Variants in PIK3IP1 observed in about 807,000 individuals in gnomAD.
PIK3IP1 encodes the protein phosphoinositide-3-kinase-interacting protein 1.
A neutral mutation model predicts 30.7 loss-of-function variants in PIK3IP1; 28 were observed. That is an observed-to-expected ratio of 0.91 (90% CI 0.68 to 1.25). The LOEUF is 1.25. Ranked by LOEUF, PIK3IP1 falls within the 50% of genes most tolerant of loss-of-function variation. The pLI, the probability that PIK3IP1 is intolerant of heterozygous loss-of-function variation, is 0.00. For synonymous variants in PIK3IP1, 159 were observed against 140.8 expected, an observed-to-expected ratio of 1.13 and a Z score of -0.91; for missense variants, 333 against 346.2, an observed-to-expected ratio of 0.96 and a Z score of 0.30.
chr22:31,284,768 A>G (rs778841738), intron 5 of PIK3IP1, among the ~76,000 whole-genome samples: 33 of 152,276 alleles, frequency 2.2e-4, no homozygotes, highest in Non-Finnish European at 4.0e-4. Flanking sequence ...AAGCTAGTGC[A>G]GACAGTACAC....
At chr22:31,288,985 G>C (rs1293526772) in intron 5 of PIK3IP1, 5 of 494,844 alleles carry the variant, frequency 1.0e-5, no homozygotes, top group African/African-American at 9.7e-5. Flanking sequence ...TGTGGGATCA[G>C]ACAGCAGGGA....
intron 3 of PIK3IP1, chr22:31,290,017 TC>T: frequency 3.4e-6 from 1 of 292,222 alleles, no homozygotes; most frequent in Non-Finnish European, 6.5e-6. Flanking sequence ...TCCCCCCACT[TC>T]TACTTCAGGA....
In PIK3IP1 at chr22:31,290,866, G is replaced by C. The variant is rs938878318; in HGVS notation, c.307+99C>G. The C allele has an allele frequency of 6.8e-5, 96 of 1,421,530 alleles. No homozygotes were observed. The Admixed American group carries it at 1.1e-3, about 16-fold the overall frequency. The allele number at this position is 1,421,530 out of a possible 1,614,324, so 88.1% of individuals were successfully genotyped here. A position where few individuals can be genotyped will look rare whatever the true frequency, so the allele number is the denominator to read the frequency against. On this transcript the variant is annotated intron_variant, in intron 3 of 5. Coordinates refer to ENST00000215912, the MANE Select transcript of PIK3IP1 (RefSeq NM_052880.5). ...AATCGGACGGCGCGGAGGCGGAGCG[G>C]GGCCGGCCGGCATCGCGCGGCCGCA...
At chr22:31,291,158 C>T (rs1236086294) in intron 2 of PIK3IP1, 22 bp downstream of exon 2, 2 of 1,538,730 alleles carry the variant, frequency 1.3e-6, no homozygotes. Context: ...AGCCCCGGGG[C>T]CGTCCCCCGG....
chr22:31,285,821 C>T (rs1007943286), intron 5 of PIK3IP1, among the ~76,000 whole-genome samples: 2 of 152,188 alleles, frequency 1.3e-5, no homozygotes, highest in African/African-American at 4.8e-5. Flanking sequence ...TCTGCTAGGT[C>T]TCAGCTCCTC....
At chr22:31,291,639 G>A (rs2049180540) in intron 1 of PIK3IP1, among the ~76,000 whole-genome samples, 1 of 152,232 alleles carries the variant, frequency 6.6e-6, no homozygotes, top group African/African-American at 2.4e-5. Flanking sequence ...TTTGGAGGAG[G>A]AGATGGAGAG....
rs753024878 is a variant in PIK3IP1 at position 31,283,310 on chromosome 22, A to T, written c.588-22T>A. On this transcript the variant is annotated intron_variant, in intron 5 of 5. Transcript: ENST00000215912. ...CCCCCTGGCAGGAAAAAAACAAACA[A>T]ACATTCAGGCTATGCCTCCTGCATA... 4.2e-5 allele frequency: 61 copies of T among 1,465,266 alleles called. 1 individual carries two copies. In the South Asian group the frequency reaches 5.9e-4, roughly 14 times the overall value. 90.8% of individuals were successfully genotyped at this position (1,465,266 alleles called of 1,614,324 possible). A position where few individuals can be genotyped will look rare whatever the true frequency, so the allele number is the denominator to read the frequency against.
chr22:31,286,941 A>G (rs2049135334), intron 5 of PIK3IP1, among the ~76,000 whole-genome samples: 1 of 152,052 alleles, frequency 6.6e-6, no homozygotes. Flanking sequence ...TGTCCTCTCA[A>G]GTCAATACTT....
In PIK3IP1 at chr22:31,292,457, G is replaced by A; in HGVS notation, c.-113C>T. Reference sequence around the variant, plus strand: ...TTGCAGTCAGACCTGCCCTTGTTATGCTGTTCTGGTAAACAGCCTCTCTTT... The same window carrying A: ...TTGCAGTCAGACCTGCCCTTGTTATACTGTTCTGGTAAACAGCCTCTCTTT... On this transcript the variant is annotated 5_prime_UTR_variant, in exon 1 of 6. Coordinates refer to ENST00000215912, the MANE Select transcript of PIK3IP1 (RefSeq NM_052880.5). 1.2e-6 allele frequency: 1 copy of A among 813,202 alleles called. No individual in the cohort carries two copies. The highest frequency in any genetic ancestry group is 1.5e-5 in the South Asian group (1 of 68,802). The allele number at this position is 813,202 out of a possible 1,614,324, so 50.4% of individuals were successfully genotyped here.
In PIK3IP1 at chr22:31,289,640, G is replaced by C; in HGVS notation, c.367C>G (p.Pro123Ala). 6.4e-7 allele frequency: 1 copy of C among 1,555,278 alleles called. No homozygotes were observed. Among genetic ancestry groups the C allele is most frequent in the East Asian group, 2.4e-5 (1 of 41,772 alleles). Reference sequence around the variant, plus strand: ...AACACCTGCACCTCATCTGCACCTGGCCCTTCAGACGCTTCCTGGATTTCT... The same window carrying C: ...AACACCTGCACCTCATCTGCACCTGCCCCTTCAGACGCTTCCTGGATTTCT... ...TTEIQEASEG[P>A]GADEVQVFAP... The change falls in exon 4 of 6, where the codon CCA (proline) becomes GCA (alanine). Residue 123 changes from proline (P) to alanine (A), a missense_variant. This residue lies in a region of PIK3IP1 where 217 missense variants were observed against 227.7 expected (regional missense o/e 0.95). Coordinates refer to ENST00000215912, the MANE Select transcript of PIK3IP1 (RefSeq NM_052880.5).
intron 5 of PIK3IP1, chr22:31,288,992 G>A (rs2049151954): frequency 2.0e-6 from 1 of 499,164 alleles, no homozygotes; most frequent in Admixed American, 3.7e-5. Context: ...TCAGACAGCA[G>A]GGAATTTGCT....
chr22:31,284,278 C>T (rs1006418882), intron 5 of PIK3IP1, among the ~76,000 whole-genome samples: 3 of 152,262 alleles, frequency 2.0e-5, no homozygotes, highest in Non-Finnish European at 4.4e-5. Flanking sequence ...TCAGCAACCT[C>T]CTTTACCTGT....
intron 5 of PIK3IP1, among the ~76,000 whole-genome samples, chr22:31,287,660 C>CAA (rs1469660193): frequency 6.6e-6 from 1 of 152,052 alleles, no homozygotes; most frequent in East Asian, 1.9e-4. Flanking sequence ...AAACAGCCAT[C>CAA]ATTTACTGAC....
At chr22:31,284,887 C>T (rs1252197710) in intron 5 of PIK3IP1, among the ~76,000 whole-genome samples, 1 of 152,058 alleles carries the variant, frequency 6.6e-6, no homozygotes, top group Non-Finnish European at 1.5e-5. Flanking sequence ...GCCCTCCCTC[C>T]CTAAGAGGAA....
At chr22:31,289,825 CAA>C in intron 3 of PIK3IP1, 126 bp from the exon 4 acceptor site, 1 of 1,014,764 alleles carries the variant, frequency 9.9e-7, no homozygotes, top group East Asian at 2.6e-5. Context: ...ACACACAACC[CAA>C]AGTCAAATTC....
In PIK3IP1 at chr22:31,282,853, C is replaced by T. The variant is rs934458318; in HGVS notation, c.*231G>A. 2.0e-6 allele frequency: 1 copy of T among 507,392 alleles called. No individual in the cohort carries two copies. The highest frequency in any genetic ancestry group is 3.6e-6 in the Non-Finnish European group (1 of 280,840). 31.4% of individuals were successfully genotyped at this position (507,392 alleles called of 1,614,324 possible). On this transcript the variant is annotated 3_prime_UTR_variant, in exon 6 of 6. Transcript: ENST00000215912. ...TGTGGGAGCTGCCACTGTCTCCATCCACAGACAAAATCTGCTCCAAGGGAT... is the reference window on the plus strand; with the variant it reads ...TGTGGGAGCTGCCACTGTCTCCATCTACAGACAAAATCTGCTCCAAGGGAT...
intron 5 of PIK3IP1, among the ~76,000 whole-genome samples, chr22:31,285,408 T>C (rs1367460586): frequency 6.6e-6 from 1 of 152,200 alleles, no homozygotes; most frequent in East Asian, 1.9e-4. Context: ...ATCTGTTTCA[T>C]AGATAGGAAG....
chr22:31,283,910 CTTT>C (rs1372269913), intron 5 of PIK3IP1, among the ~76,000 whole-genome samples: 1 of 147,482 alleles, frequency 6.8e-6, no homozygotes, highest in Non-Finnish European at 1.5e-5. Context: ...CAGCTACAGG[CTTT>C]TTTTTTTGGA....
chr22:31,292,288 G>A lies in PIK3IP1; in HGVS notation c.57C>T (p.Ala19=), dbSNP rs1252389451. ...TTGTAATCTCACCTCCAGATCCATA[G>A]GCTTCTGCTAGGAGCATGTTGCTGA... ...FLVSNMLLAE[A]YGSGGCFWDN... Residue 19 remains alanine, a synonymous_variant, in exon 1 of 6, where the codon GCC becomes GCT. Transcript: ENST00000215912. The A allele has an allele frequency of 3.1e-6, 5 of 1,614,116 alleles. No homozygotes were observed. Among genetic ancestry groups the A allele is most frequent in the South Asian group, 1.1e-5 (1 of 91,078 alleles).
Sources: allele counts gnomAD v4.1 joint callset (sites outside exome capture counted in the v4.1 genomes callset), GRCh38; gene constraint gnomAD v4.1.1; regional missense constraint gnomAD v4.1.1; transcripts MANE v1.5; gene names NCBI Gene and HGNC (gene_info 2026-07-23, HGNC 2026-07-21).